NAALADL2: variants seen among roughly 807,000 people sequenced by gnomAD.
NAALADL2 encodes inactive N-acetylated-alpha-linked acidic dipeptidase-like protein 2.
NAALADL2 carries 76 observed loss-of-function variants against 87.2 expected under a neutral mutation model. The observed-to-expected ratio is 0.87, with a 90% confidence interval of 0.72 to 1.05. NAALADL2 has a LOEUF of 1.05. NAALADL2 is among the 50% of genes least tolerant of loss of function. The pLI, the probability that NAALADL2 is intolerant of heterozygous loss-of-function variation, is 0.00. For synonymous variants in NAALADL2, 354 were observed against 331.0 expected, an observed-to-expected ratio of 1.07 and a Z score of -0.75; for missense variants, 1,089 against 945.8, an observed-to-expected ratio of 1.15 and a Z score of -1.99.
Position 175,008,276 on chromosome 3 carries a change from C to T in NAALADL2, c.44-88514C>T, listed in dbSNP as rs770423694. 1.0e-3 allele frequency among the ~76,000 whole-genome samples: 158 copies of T among 151,996 alleles called. 1 individual carries two copies. Among genetic ancestry groups the T allele is most frequent in the Non-Finnish European group, 1.8e-3 (122 of 67,990 alleles). On this transcript the variant is annotated intron_variant, in intron 1 of 13. Coordinates refer to ENST00000454872, the MANE Select transcript of NAALADL2 (RefSeq NM_207015.3). ...GTGCACATCTTTCCTCCTGGCTACT[C>T]GGGAGGCTAAGGCAGGATTGCTTGA...
chr3:175,250,636 C>A (rs1748892361), intron 3 of NAALADL2, among the ~76,000 whole-genome samples: 2 of 152,124 alleles, frequency 1.3e-5, no homozygotes. Context: ...AATGAAAAGA[C>A]CTTCTGAAGG....
At chr3:175,657,840 T>G (rs1347912369) in intron 11 of NAALADL2, among the ~76,000 whole-genome samples, 1 of 152,046 alleles carries the variant, frequency 6.6e-6, no homozygotes, top group African/African-American at 2.4e-5. Context: ...CCTCCCAAAG[T>G]GCTAGGATTA....
At chr3:175,216,263 A>G (rs1397339640) in intron 2 of NAALADL2, among the ~76,000 whole-genome samples, 1 of 152,146 alleles carries the variant, frequency 6.6e-6, no homozygotes, top group Non-Finnish European at 1.5e-5. Flanking sequence ...TAACAGTTTT[A>G]TTAATATTAA....
chr3:174,996,058 C>A (rs1356547921), intron 1 of NAALADL2, among the ~76,000 whole-genome samples: 1 of 152,098 alleles, frequency 6.6e-6, no homozygotes, highest in Non-Finnish European at 1.5e-5. Context: ...GAGTTAAGGT[C>A]TACTGAATTT....
intron 5 of NAALADL2, among the ~76,000 whole-genome samples, chr3:175,324,649 T>TA (rs1360907381): frequency 6.6e-6 from 1 of 152,180 alleles, no homozygotes; most frequent in Non-Finnish European, 1.5e-5. Context: ...GGTAAGCCAA[T>TA]AGCATGTACA....
chr3:174,537,959 A>G (rs1471001939), intron 1 of NAALADL2, among the ~76,000 whole-genome samples: 1 of 152,192 alleles, frequency 6.6e-6, no homozygotes, highest in Non-Finnish European at 1.5e-5. Flanking sequence ...TTTGTGAGCA[A>G]GAACCTGGTC....
At chr3:174,595,689 A>G (rs1436632264) in intron 2 of NAALADL2, among the ~76,000 whole-genome samples, 1 of 152,154 alleles carries the variant, frequency 6.6e-6, no homozygotes, top group Non-Finnish European at 1.5e-5. Flanking sequence ...GGCCTAATAC[A>G]TGGCCAAGTC....
intron 2 of NAALADL2, among the ~76,000 whole-genome samples, chr3:175,215,929 T>C (rs1742450877): frequency 6.6e-6 from 1 of 152,134 alleles, no homozygotes; most frequent in South Asian, 2.1e-4. Context: ...TAGGACTAGG[T>C]GGAATTACCT....
At chr3:174,696,306 T>A (rs1729006159) in intron 2 of NAALADL2, among the ~76,000 whole-genome samples, 1 of 152,036 alleles carries the variant, frequency 6.6e-6, no homozygotes, top group African/African-American at 2.4e-5. Context: ...CTTTCTTGCA[T>A]CAAGGAAGAC....
intron 9 of NAALADL2, among the ~76,000 whole-genome samples, chr3:175,509,871 T>C (rs2149391033): frequency 6.6e-6 from 1 of 152,238 alleles, no homozygotes; most frequent in South Asian, 2.1e-4. Context: ...ATTATTATAC[T>C]TTAAGTTTTA....
chr3:175,604,927 A>G (rs1723480212), intron 10 of NAALADL2, among the ~76,000 whole-genome samples: 1 of 152,198 alleles, frequency 6.6e-6, no homozygotes, highest in Non-Finnish European at 1.5e-5. Context: ...ATATGGTGGC[A>G]GTGCTGATTA....
chr3:175,030,923 TTA>T (rs912802863), intron 1 of NAALADL2, among the ~76,000 whole-genome samples: 9 of 151,886 alleles, frequency 5.9e-5, no homozygotes, highest in African/African-American at 2.2e-4. Flanking sequence ...TACTACTTTT[TTA>T]AAAAAATGTA....
chr3:175,227,998 C>T (rs941939775), intron 2 of NAALADL2, among the ~76,000 whole-genome samples: 10 of 151,858 alleles, frequency 6.6e-5, no homozygotes, highest in Non-Finnish European at 1.3e-4. Context: ...AATATTGCCA[C>T]TGTTTATGAA....
At chr3:175,525,368 C>T (rs1386594183) in intron 9 of NAALADL2, among the ~76,000 whole-genome samples, 6 of 152,116 alleles carry the variant, frequency 3.9e-5, no homozygotes, top group Non-Finnish European at 7.4e-5. Flanking sequence ...TCTACCCCAT[C>T]GTCCCATTTC....
chr3:175,675,491 G>A (rs1200151420), intron 11 of NAALADL2: 1 of 152,164 alleles, frequency 6.6e-6, no homozygotes, highest in Non-Finnish European at 1.5e-5. Flanking sequence ...ACAGAGATAA[G>A]ATCATTCCCT....
At chr3:174,784,165 G>C (rs1483184126) in intron 3 of NAALADL2, among the ~76,000 whole-genome samples, 1 of 152,062 alleles carries the variant, frequency 6.6e-6, no homozygotes, top group East Asian at 1.9e-4. Flanking sequence ...TAGCTAGTTT[G>C]TTTATTAGTA....
intron 1 of NAALADL2, among the ~76,000 whole-genome samples, chr3:175,045,192 C>G (rs1754524700): frequency 6.6e-6 from 1 of 152,068 alleles, no homozygotes; most frequent in Non-Finnish European, 1.5e-5. Flanking sequence ...ATTTCTGAAA[C>G]TTCACAGTGA....
upstream of NAALADL2, among the ~76,000 whole-genome samples, chr3:174,858,780 G>C (rs139875716): frequency 4.0e-5 from 6 of 151,568 alleles, no homozygotes; most frequent in African/African-American, 1.5e-4. Context: ...TTCAATCTTC[G>C]TACTAATCAT....
intron 4 of NAALADL2, among the ~76,000 whole-genome samples, chr3:175,297,529 C>A (rs555928553): frequency 2.6e-5 from 4 of 152,252 alleles, no homozygotes; most frequent in South Asian, 2.1e-4. Flanking sequence ...ATTGCCTTTC[C>A]CTATTTGTGT....
Sources: gnomAD v4.1 joint callset for allele counts (sites outside exome capture counted in the v4.1 genomes callset) on GRCh38, gnomAD v4.1.1 for gene constraint, MANE v1.5 for transcripts, NCBI Gene and HGNC (gene_info 2026-07-23, HGNC 2026-07-21) for gene names.